Variants in HEXIM2 observed in about 807,000 individuals in gnomAD.
HEXIM2 encodes HEXIM P-TEFb complex subunit 2.
For missense variants in HEXIM2, 413 were observed against 390.8 expected, an observed-to-expected ratio of 1.06 and a Z score of -0.48; for synonymous variants, 159 against 162.7, an observed-to-expected ratio of 0.98 and a Z score of 0.17.
intron 1 of HEXIM2, among the ~76,000 whole-genome samples, 155 bp from the exon 2 acceptor site, chr17:45,162,333 G>A (rs1023384398): frequency 4.6e-5 from 7 of 152,204 alleles, no homozygotes; most frequent in African/African-American, 1.4e-4. Context: ...AGTGGGGAAG[G>A]ACTCGTGAGC....
At chr17:45,164,495 G>T (rs570777765) in intron 3 of HEXIM2, among the ~76,000 whole-genome samples, 1 of 151,922 alleles carries the variant, frequency 6.6e-6, no homozygotes, top group Non-Finnish European at 1.5e-5. Flanking sequence ...AAATTAGCCC[G>T]GCGTGGTGGT....
In HEXIM2 at chr17:45,169,124, C is replaced by T; in HGVS notation, c.176C>T (p.Ala59Val). ...MESHSEDEDL[A>V]GAVGGLGWNS... ...AGCCACTCAGAGGATGAAGATCTTG[C>T]TGGGGCTGTCGGTGGCCTGGGCTGG... Residue 59 changes from alanine (A) to valine (V), a missense_variant, in exon 4 of 4, where the codon GCT becomes GTT. Transcript: ENST00000589230. 9 of 1,613,998 alleles carry T rather than the reference C, an allele frequency of 5.6e-6. No individual in the cohort carries two copies. The highest frequency in any genetic ancestry group is 6.8e-6 in the Non-Finnish European group (8 of 1,180,030).
rs893458763 is a variant in HEXIM2, at chr17:45,161,883, C to G, written c.-341C>G. The G allele has an allele frequency of 1.0e-6, 1 of 985,596 alleles. No homozygotes were observed. The highest frequency in any genetic ancestry group is 6.1e-5 in the Admixed American group (1 of 16,262). The allele number at this position is 985,596 out of a possible 1,614,324, so 61.1% of individuals were successfully genotyped here. ...CACCGCGCGTCCAGGCTCTCTCTTC[C>G]CCCCCATCTTAGTGGCCTGAGCGGC... On this transcript the variant is annotated 5_prime_UTR_variant, in exon 1 of 4. Coordinates refer to ENST00000589230, the MANE Select transcript of HEXIM2 (RefSeq NM_001303441.2).
rs1598146280 is a variant in HEXIM2 at position 45,168,293 on chromosome 17, C to T, written c.67-722C>T. Among the ~76,000 whole-genome samples, 4 of 150,440 alleles carry T rather than the reference C, an allele frequency of 2.7e-5. No homozygotes were observed. In the South Asian group the frequency reaches 8.4e-4, roughly 32 times the overall value. ...GGTCAGGAGTTTGAGACTAGGCTGG[C>T]CAACATGGTGAAACCCTGTCTCTAC... On this transcript the variant is annotated intron_variant, in intron 3 of 3. Transcript: ENST00000589230.
intron 1 of HEXIM2, 64 bp downstream of exon 1, chr17:45,162,095 TTA>T (rs1160983290): frequency 4.8e-6 from 4 of 838,840 alleles, no homozygotes; most frequent in African/African-American, 1.8e-5. Context: ...AAATCCATCC[TTA>T]TCCTAGTTGG....
Position 45,162,006 on chromosome 17 carries a change from T to TCAA in HEXIM2, c.-218_-217insCAA. On this transcript the variant is annotated 5_prime_UTR_variant, in exon 1 of 4. Coordinates refer to ENST00000589230, the MANE Select transcript of HEXIM2 (RefSeq NM_001303441.2). ...ACAGAAAGGCACACAGATGTAGTGG[T>TCAA]GTGCATAGCCCTTGACAGCGAATAG... 1 of 985,674 alleles carries TCAA rather than the reference T, an allele frequency of 1.0e-6. No individual in the cohort carries two copies. Among genetic ancestry groups the TCAA allele is most frequent in the Non-Finnish European group, 1.2e-6 (1 of 830,076 alleles). The allele number at this position is 985,674 out of a possible 1,614,324, so 61.1% of individuals were successfully genotyped here.
At position 45,162,041 on chromosome 17, in the gene HEXIM2, A is replaced by G. The variant is rs1455685560; in HGVS notation, c.-193+10A>G. 2 of 983,530 alleles carry G rather than the reference A, an allele frequency of 2.0e-6. No individual in the cohort carries two copies. The highest frequency in any genetic ancestry group is 3.5e-5 in the African/African-American group (2 of 57,196). The allele number at this position is 983,530 out of a possible 1,614,324, so 60.9% of individuals were successfully genotyped here. ...CCTTGACAGCGAATAGGTCAGTTCC[A>G]CCTTTGCAAAACCTCTTTCCATGAC... On this transcript the variant is annotated intron_variant, in intron 1 of 3. Transcript: ENST00000589230.
At chr17:45,165,466 G>A (rs1206253965) in intron 3 of HEXIM2, among the ~76,000 whole-genome samples, 1 of 152,072 alleles carries the variant, frequency 6.6e-6, no homozygotes, top group African/African-American at 2.4e-5. Flanking sequence ...CAACATACCA[G>A]TGGTAGTGGT....
At chr17:45,160,879 GTAGTT>G, upstream of HEXIM2, 1 of 1,288,358 alleles carries the variant, frequency 7.8e-7, no homozygotes, top group Non-Finnish European at 1.0e-6. Flanking sequence ...GGTTGCTACA[GTAGTT>G]TAAGAGGGTC....
intron 3 of HEXIM2, 54 bp from the exon 4 acceptor site, chr17:45,168,961 C>T (rs2042943499): frequency 6.7e-7 from 1 of 1,502,928 alleles, no homozygotes; most frequent in African/African-American, 1.4e-5. Context: ...GGAAAGGTTC[C>T]ACCTCCAAGG....
chr17:45,161,890 T>C lies in HEXIM2; in HGVS notation c.-334T>C. On this transcript the variant is annotated 5_prime_UTR_variant, in exon 1 of 4. Coordinates refer to ENST00000589230, the MANE Select transcript of HEXIM2 (RefSeq NM_001303441.2). ...CGTCCAGGCTCTCTCTTCCCCCCCA[T>C]CTTAGTGGCCTGAGCGGCTTGACCA... 1.0e-6 allele frequency: 1 copy of C among 985,388 alleles called. No individual in the cohort carries two copies. The highest frequency in any genetic ancestry group is 1.2e-6 in the Non-Finnish European group (1 of 830,120). 61.0% of individuals were successfully genotyped at this position (985,388 alleles called of 1,614,324 possible). A position where few individuals can be genotyped will look rare whatever the true frequency, so the allele number is the denominator to read the frequency against.
At chr17:45,161,496 C>T (rs1189272686), upstream of HEXIM2, 1 of 161,224 alleles carries the variant, frequency 6.2e-6, no homozygotes, top group African/African-American at 2.4e-5. Flanking sequence ...CCTCCCAGCC[C>T]AAAATGGCGG....
chr17:45,169,771 C>T lies in HEXIM2; in HGVS notation c.823C>T (p.Arg275Ter), dbSNP rs1286497411. The T allele has an allele frequency of 2.1e-5, 30 of 1,457,486 alleles. No homozygotes were observed. Among genetic ancestry groups the T allele is most frequent in the Non-Finnish European group, 2.7e-5 (30 of 1,105,354 alleles). 90.3% of individuals were successfully genotyped at this position (1,457,486 alleles called of 1,614,324 possible). The change falls in exon 4 of 4, where the codon CGA becomes TGA. Residue 275 changes from arginine (R) to a stop codon, truncating the protein, a stop_gained. Transcript: ENST00000589230. LOFTEE classifies it low-confidence loss of function (END_TRUNC). Reference protein sequence around the residue: ...RLRQENQMWNREGCRCDEEPG... With the variant: ...RLRQENQMWN Reference sequence around the variant, plus strand: ...TCGTCAGGAGAACCAGATGTGGAACCGAGAGGGCTGCCGCTGTGATGAGGA... The same window carrying T: ...TCGTCAGGAGAACCAGATGTGGAACTGAGAGGGCTGCCGCTGTGATGAGGA...
intron 3 of HEXIM2, among the ~76,000 whole-genome samples, chr17:45,163,709 C>T (rs1567927310): frequency 6.6e-6 from 1 of 151,362 alleles, no homozygotes; most frequent in Admixed American, 6.6e-5. Flanking sequence ...ATTAGCTGGG[C>T]ATGGTGGCAC....
In HEXIM2 at chr17:45,161,914, CAGAGCTGCTG is replaced by C; in HGVS notation, c.-309_-300del. The C allele has an allele frequency of 2.0e-6, 2 of 985,588 alleles. No homozygotes were observed. The highest frequency in any genetic ancestry group is 2.4e-6 in the Non-Finnish European group (2 of 830,056). The allele number at this position is 985,588 out of a possible 1,614,324, so 61.1% of individuals were successfully genotyped here. A position where few individuals can be genotyped will look rare whatever the true frequency, so the allele number is the denominator to read the frequency against. ...ATCTTAGTGGCCTGAGCGGCTTGACCAGAGCTGCTGCAACTGCAGCAAGAGGTAGGGCTCA... is the reference window on the plus strand; with the variant it reads ...ATCTTAGTGGCCTGAGCGGCTTGACCCAACTGCAGCAAGAGGTAGGGCTCA... On this transcript the variant is annotated 5_prime_UTR_variant, in exon 1 of 4. Coordinates refer to ENST00000589230, the MANE Select transcript of HEXIM2 (RefSeq NM_001303441.2).
At position 45,161,881 on chromosome 17, in the gene HEXIM2, T is replaced by TC. The variant is rs551156289; in HGVS notation, c.-336dup. The TC allele has an allele frequency of 2.4e-4, 241 of 984,884 alleles. 1 individual carries two copies. The African/African-American group carries it at 3.0e-3, about 12-fold the overall frequency. The allele number at this position is 984,884 out of a possible 1,614,324, so 61.0% of individuals were successfully genotyped here. ...GGCACCGCGCGTCCAGGCTCTCTCT[T>TC]CCCCCCCATCTTAGTGGCCTGAGCG... On this transcript the variant is annotated 5_prime_UTR_variant, in exon 1 of 4. Transcript: ENST00000589230.
intron 1 of HEXIM2, 44 bp from the exon 2 acceptor site, chr17:45,162,444 C>G: frequency 2.7e-6 from 3 of 1,092,938 alleles, no homozygotes; most frequent in Non-Finnish European, 2.2e-6. Context: ...ACAAAACTTA[C>G]ACCTGGCTTC....
Position 45,170,006 on chromosome 17 carries a change from G to A in HEXIM2, c.*197G>A. On this transcript the variant is annotated 3_prime_UTR_variant, in exon 4 of 4. Transcript: ENST00000589230. ...CTTTTGTGTCATCTTACCCTTTACA[G>A]AGAAATTAAATGGCCTTGGTGGGAC... 1 of 467,020 alleles carries A rather than the reference G, an allele frequency of 2.1e-6. No individual in the cohort carries two copies. The highest frequency in any genetic ancestry group is 3.7e-6 in the Non-Finnish European group (1 of 269,882). 28.9% of individuals were successfully genotyped at this position (467,020 alleles called of 1,614,324 possible).
At chr17:45,160,969 GCTCTCGGAGC>G, upstream of HEXIM2, 1 of 1,289,004 alleles carries the variant, frequency 7.8e-7, no homozygotes, top group Non-Finnish European at 1.0e-6. Flanking sequence ...TGGGATCTCC[GCTCTCGGAGC>G]CTCCAGCTGA....
Sources: gnomAD v4.1 joint callset for allele counts (sites outside exome capture counted in the v4.1 genomes callset) on GRCh38, gnomAD v4.1.1 for gene constraint, MANE v1.5 for transcripts, NCBI Gene and HGNC (gene_info 2026-07-23, HGNC 2026-07-21) for gene names.